The following WHAMM variants were observed in gnomAD, a reference collection of about 807,000 sequenced individuals.
WHAMM encodes the protein WASP homolog-associated protein with actin, membranes and microtubules.
Under a neutral mutation model 76.5 loss-of-function variants are expected in WHAMM, and 67 were observed. The ratio of observed to expected loss-of-function variants is 0.88; its 90% confidence interval spans 0.72 to 1.07. WHAMM has a LOEUF of 1.07. Among genes scored for constraint, WHAMM ranks in the 50% least tolerant of loss-of-function variants. The pLI, the probability that WHAMM is intolerant of heterozygous loss-of-function variation, is 0.00. For synonymous variants in WHAMM, 419 were observed against 422.1 expected (o/e 0.99, Z 0.09); for missense variants, 1,021 against 1,051.1 (o/e 0.97, Z 0.40).
chr15:82,813,403 C>T, intron 2 of WHAMM, 127 bp downstream of exon 2: 1 of 983,940 alleles, frequency 1.0e-6, no homozygotes, highest in Non-Finnish European at 1.4e-6. Flanking sequence ...TATTTATTTA[C>T]TTATTTATTG....
chr15:82,826,298 T>G (rs1319045827), intron 6 of WHAMM, 112 bp from the exon 7 acceptor site: 2 of 1,115,268 alleles, frequency 1.8e-6, no homozygotes. Context: ...AGAACTAATA[T>G]TAATGAATGC....
Position 82,833,698 on chromosome 15 carries a change from T to TC in WHAMM, c.*162_*163insC. 1.2e-6 allele frequency: 1 copy of TC among 812,534 alleles called. No homozygotes were observed. The highest frequency in any genetic ancestry group is 1.9e-6 in the Non-Finnish European group (1 of 536,086). The allele number at this position is 812,534 out of a possible 1,614,324, so 50.3% of individuals were successfully genotyped here. A position where few individuals can be genotyped will look rare whatever the true frequency, so the allele number is the denominator to read the frequency against. On this transcript the variant is annotated 3_prime_UTR_variant, in exon 10 of 10. Coordinates refer to ENST00000286760, the MANE Select transcript of WHAMM (RefSeq NM_001080435.3). Reference sequence around the variant, plus strand: ...AGGCTGCTGCAGCATTTTTTTTTTTTTTCTTTTTTGAGATGGAGTCTCACT... The same window carrying TC: ...AGGCTGCTGCAGCATTTTTTTTTTTTCTTCTTTTTTGAGATGGAGTCTCACT...
At chr15:82,817,707 G>A (rs1270264281) in intron 3 of WHAMM, among the ~76,000 whole-genome samples, 1 of 152,108 alleles carries the variant, frequency 6.6e-6, no homozygotes, top group Admixed American at 6.6e-5. Flanking sequence ...AACTAGGTGA[G>A]ATCATGACTT....
At position 82,816,726 on chromosome 15, in the gene WHAMM, G is replaced by A. The variant is rs1447221446; in HGVS notation, c.818G>A (p.Arg273Lys). 6.6e-5 allele frequency: 103 copies of A among 1,557,514 alleles called. No individual in the cohort carries two copies. Among genetic ancestry groups the A allele is most frequent in the Non-Finnish European group, 7.6e-5 (87 of 1,149,518 alleles). The change falls in exon 3 of 10, where the codon AGG becomes AAG. Residue 273 changes from arginine (R) to lysine (K), a missense_variant. Arg to Lys is a conservative substitution (Grantham distance 26, BLOSUM62 2). Around this residue, in one of 3 missense-constraint regions of WHAMM, gnomAD observed 501 missense variants for 524.9 expected, o/e 0.95. Transcript: ENST00000286760. ...SLDEDDLGPR[R>K]VVALEKEAEE... ...GATGAGGATGACCTAGGTCCTAGAA[G>A]GGTAGTTGCCCTGGAGAAAGAAGCT...
intron 1 of WHAMM, 157 bp downstream of exon 1, chr15:82,810,492 G>A: frequency 1.0e-6 from 1 of 985,452 alleles, no homozygotes; most frequent in African/African-American, 1.7e-5. Flanking sequence ...ACCTGCGCGG[G>A]ACCGCTGCGG....
rs2050941321 is a variant in WHAMM at position 82,826,737 on chromosome 15, T to G, written c.1546-14T>G. Reference sequence around the variant, plus strand: ...TGTTGAGCAATTTACAAATATACATTTGTTTAAATATAGAAAAGAGACAAG... The same window carrying G: ...TGTTGAGCAATTTACAAATATACATGTGTTTAAATATAGAAAAGAGACAAG... On this transcript the variant is annotated splice_polypyrimidine_tract_variant and intron_variant, in intron 7 of 9. Coordinates refer to ENST00000286760, the MANE Select transcript of WHAMM (RefSeq NM_001080435.3). The G allele has an allele frequency of 1.3e-6, 2 of 1,534,236 alleles. No individual in the cohort carries two copies. The highest frequency in any genetic ancestry group is 2.2e-5 in the Admixed American group (1 of 44,846).
rs1293312309 is a variant in WHAMM at position 82,813,256 on chromosome 15, T to C, written c.763T>C (p.Leu255=). The C allele has an allele frequency of 1.3e-6, 2 of 1,566,374 alleles. No individual in the cohort carries two copies. Among genetic ancestry groups the C allele is most frequent in the Non-Finnish European group, 1.7e-6 (2 of 1,160,344 alleles). Residue 255 remains leucine, a synonymous_variant, in exon 2 of 10, where the codon TTA becomes CTA. Coordinates refer to ENST00000286760, the MANE Select transcript of WHAMM (RefSeq NM_001080435.3). ...PFRAMREVAT[L]CKLDILKSLD... is the part of the protein sequence containing the mutation. ...TAGGGCTATGCGAGAAGTTGCAACT[T>C]TATGTAAGCTTGATATTTTGGTATG...
At position 82,819,500 on chromosome 15, in the gene WHAMM, G is replaced by T. The variant is rs2050783857; in HGVS notation, c.1270+12G>T. 8.6e-7 allele frequency: 1 copy of T among 1,166,696 alleles called. No homozygotes were observed. Among genetic ancestry groups the T allele is most frequent in the East Asian group, 3.3e-5 (1 of 30,556 alleles). 72.3% of individuals were successfully genotyped at this position (1,166,696 alleles called of 1,614,324 possible). A position where few individuals can be genotyped will look rare whatever the true frequency, so the allele number is the denominator to read the frequency against. ...AAGACTTATAAAAGGTAAAATTTAA[G>T]TATATAGATTGCAATGTTTAAATTA... is the stretch of plus-strand genomic sequence containing the variant. On this transcript the variant is annotated intron_variant, in intron 5 of 9. Transcript: ENST00000286760.
At chr15:82,827,394 A>G (rs1259011922) in intron 8 of WHAMM, among the ~76,000 whole-genome samples, 2 of 152,282 alleles carry the variant, frequency 1.3e-5, no homozygotes, top group Non-Finnish European at 2.9e-5. Context: ...TTCCTCCACA[A>G]AATGATCCTG....
rs1419690466 is a variant in WHAMM, at chr15:82,814,644, G to T, written c.783+1368G>T. Among the ~76,000 whole-genome samples the T allele has an allele frequency of 2.6e-5, 4 of 151,174 alleles. No individual in the cohort carries two copies. The East Asian group carries it at 7.8e-4, about 29-fold the overall frequency. On this transcript the variant is annotated intron_variant, in intron 2 of 9. Transcript: ENST00000286760. Reference sequence around the variant, plus strand: ...TTTGTATTTTTTTAGTAGAGACGGGGTTTCTTCATGTTGGTCAGGCTGGTC... The same window carrying T: ...TTTGTATTTTTTTAGTAGAGACGGGTTTTCTTCATGTTGGTCAGGCTGGTC...
intron 6 of WHAMM, among the ~76,000 whole-genome samples, chr15:82,825,473 G>C (rs1386677749): frequency 3.9e-5 from 6 of 152,156 alleles, no homozygotes; most frequent in African/African-American, 1.4e-4. Flanking sequence ...TCTTTCCACT[G>C]ATTCTGGAAA....
At chr15:82,810,690 A>G (rs1054632065) in intron 1 of WHAMM, 4 of 985,368 alleles carry the variant, frequency 4.1e-6, no homozygotes, top group Non-Finnish European at 4.8e-6. Context: ...CCATGTAGGA[A>G]AGAATAACAC....
In WHAMM at chr15:82,819,351, A is replaced by C. The variant is rs2050780701; in HGVS notation, c.1133A>C (p.Asn378Thr). The change falls in exon 5 of 10, where the codon AAT becomes ACT. Residue 378 changes from asparagine to threonine, a missense_variant. Physicochemically the swap from Asn to Thr is moderately conservative, Grantham distance 65. Around this residue, in one of 3 missense-constraint regions of WHAMM, gnomAD observed 501 missense variants for 524.9 expected, o/e 0.95. Transcript: ENST00000286760. ...KMEDLPEQEK[N>T]TNVVDELEIQ... ...GAAGATCTTCCAGAACAAGAAAAAA[A>C]TACAAATGTTGTAGATGAATTAGAA... 2.6e-6 allele frequency: 3 copies of C among 1,138,042 alleles called. No individual in the cohort carries two copies. Among genetic ancestry groups the C allele is most frequent in the Middle Eastern group, 3.0e-4 (1 of 3,316 alleles). 70.5% of individuals were successfully genotyped at this position (1,138,042 alleles called of 1,614,324 possible).
Position 82,809,674 on chromosome 15 carries a change from G to C in WHAMM, c.-53G>C. On this transcript the variant is annotated 5_prime_UTR_variant, in exon 1 of 10. Coordinates refer to ENST00000286760, the MANE Select transcript of WHAMM (RefSeq NM_001080435.3). ...CGGACTGTCCCGTGACAGGCGGTGC[G>C]AGGAGGCCAGGCCCGCGCCCGCCGA... is the stretch of plus-strand genomic sequence containing the variant. 7.7e-7 allele frequency: 1 copy of C among 1,306,814 alleles called. No individual in the cohort carries two copies. Among genetic ancestry groups the C allele is most frequent in the Non-Finnish European group, 9.9e-7 (1 of 1,012,848 alleles). 81.0% of individuals were successfully genotyped at this position (1,306,814 alleles called of 1,614,324 possible). A position where few individuals can be genotyped will look rare whatever the true frequency, so the allele number is the denominator to read the frequency against.
chr15:82,810,201 G>GGCT lies in WHAMM; in HGVS notation c.478_480dup (p.Cys160dup). On this transcript the variant is annotated inframe_insertion, in exon 1 of 10. Transcript: ENST00000286760. ...ACGCTATCTGGGCGCGGCGGCCGAC[G>GGCT]GCTGCGGCGGCGCCACAGTGCGCGA... 7.1e-7 allele frequency: 1 copy of GGCT among 1,408,304 alleles called. No homozygotes were observed. The highest frequency in any genetic ancestry group is 9.3e-7 in the Non-Finnish European group (1 of 1,078,262). 87.2% of individuals were successfully genotyped at this position (1,408,304 alleles called of 1,614,324 possible). A position where few individuals can be genotyped will look rare whatever the true frequency, so the allele number is the denominator to read the frequency against.
chr15:82,832,194 C>G (rs1338486380), intron 9 of WHAMM, among the ~76,000 whole-genome samples: 1 of 152,202 alleles, frequency 6.6e-6, no homozygotes, highest in Non-Finnish European at 1.5e-5. Flanking sequence ...GTTCAACTCA[C>G]AAATGCTGCT....
rs1567000625 is a variant in WHAMM, at chr15:82,833,414, AGC to A, written c.2309_2310del (p.Ser770LysfsTer6). 1 of 1,614,034 alleles carries A rather than the reference AGC, an allele frequency of 6.2e-7. No individual in the cohort carries two copies. The highest frequency in any genetic ancestry group is 1.7e-5 in the Admixed American group (1 of 60,030). ...LGPNPSSKPT[S>X]NRRTSDLERS... ...CCCAAACCCCAGCAGCAAACCAACC[AGC>A]AACAGACGCACCAGTGACCTTGAGA... On this transcript the variant is annotated frameshift_variant, in exon 10 of 10. Transcript: ENST00000286760. LOFTEE classifies it high-confidence loss of function.
chr15:82,819,731 C>G (rs147798316), intron 5 of WHAMM, among the ~76,000 whole-genome samples: 125 of 152,350 alleles, frequency 8.2e-4, no homozygotes, highest in African/African-American at 2.9e-3. Flanking sequence ...CAGTGGCTCA[C>G]GCCTATAATC....
intron 5 of WHAMM, among the ~76,000 whole-genome samples, chr15:82,822,835 T>TAC (rs1203909635): frequency 1.3e-5 from 2 of 151,918 alleles, no homozygotes; most frequent in African/African-American, 4.8e-5. Flanking sequence ...TATATATATA[T>TAC]ATACACACAT....
Sources: allele counts gnomAD v4.1 joint callset (sites outside exome capture counted in the v4.1 genomes callset), GRCh38; gene constraint gnomAD v4.1.1; regional missense constraint gnomAD v4.1.1; transcripts MANE v1.5; gene names NCBI Gene and HGNC (gene_info 2026-07-23, HGNC 2026-07-21).